Variants in SHANK2 observed in about 807,000 individuals in gnomAD.
SHANK2 encodes the protein SH3 and multiple ankyrin repeat domains protein 2.
In SHANK2, 43 loss-of-function variants were observed where a neutral mutation model predicts 133.7. That is an observed-to-expected ratio of 0.32 (90% CI 0.25 to 0.41). The LOEUF (loss-of-function observed/expected upper bound fraction) is 0.41. Among genes scored for constraint, SHANK2 ranks in the 10% least tolerant of loss-of-function variants. The pLI is 1.00. For synonymous variants in SHANK2, 1,017 were observed against 952.8 expected (o/e 1.07, Z -1.24); for missense variants, 1,994 against 2,235.8 (o/e 0.89, Z 2.18).
At chr11:71,085,578 TATA>T (rs1298587370) in intron 8 of SHANK2, among the ~76,000 whole-genome samples, 2 of 45,976 alleles carry the variant, frequency 4.4e-5, no homozygotes, top group African/African-American at 1.6e-4. Flanking sequence ...ATATATATTA[TATA>T]ATATATTATA....
chr11:70,525,070 G>A (rs1383086940), intron 17 of SHANK2, among the ~76,000 whole-genome samples: 1 of 152,254 alleles, frequency 6.6e-6, no homozygotes, highest in Non-Finnish European at 1.5e-5. Context: ...AGGCCTTGCT[G>A]CCAATCGGCT....
intron 9 of SHANK2, among the ~76,000 whole-genome samples, chr11:71,070,729 G>T (rs950577841): frequency 6.6e-6 from 1 of 152,270 alleles, no homozygotes; most frequent in Non-Finnish European, 1.5e-5. Flanking sequence ...CTTACATACT[G>T]TCTATGGCTG....
intron 2 of SHANK2, among the ~76,000 whole-genome samples, chr11:71,165,855 A>G (rs1465467504): frequency 6.6e-6 from 1 of 152,128 alleles, no homozygotes; most frequent in African/African-American, 2.4e-5. Context: ...CTCACAGTCC[A>G]GCCCCACCAA....
intron 15 of SHANK2, among the ~76,000 whole-genome samples, chr11:70,671,369 G>C (rs532975549): frequency 1.3e-5 from 2 of 152,150 alleles, no homozygotes. Context: ...CACGCCCCTG[G>C]CCAAGTTCCT....
intron 10 of SHANK2, among the ~76,000 whole-genome samples, chr11:70,911,525 T>TA (rs1168245156): frequency 5.3e-5 from 8 of 152,184 alleles, no homozygotes; most frequent in Non-Finnish European, 1.0e-4. Flanking sequence ...TAGGTGGTTT[T>TA]AAACTTTATT....
At position 70,471,051 on chromosome 11, in the gene SHANK2, T is replaced by C. The variant is rs1555148373; in HGVS notation, c.*1818A>G. The C allele has an allele frequency of 1.1e-5, 4 of 375,134 alleles. No individual in the cohort carries two copies. The highest frequency in any genetic ancestry group is 1.4e-5 in the Non-Finnish European group (3 of 212,348). 23.2% of individuals were successfully genotyped at this position (375,134 alleles called of 1,614,324 possible). ...TTTTATAATTATTCCACAGAAATAG[T>C]ATTATTAAATCACAAAAGTTTTTTT... On this transcript the variant is annotated 3_prime_UTR_variant, in exon 26 of 26. Transcript: ENST00000601538. The surrounding 1 kb of genome is among the most constrained non-coding windows in gnomAD (Gnocchi z 4.1).
At chr11:70,775,371 G>A (rs782040715) in intron 14 of SHANK2, among the ~76,000 whole-genome samples, 18 of 152,098 alleles carry the variant, frequency 1.2e-4, no homozygotes, top group African/African-American at 4.1e-4. Context: ...CAGGAGAATC[G>A]CTTGAACCTG....
chr11:70,768,014 A>G (rs782527199), intron 14 of SHANK2, among the ~76,000 whole-genome samples: 9 of 151,756 alleles, frequency 5.9e-5, no homozygotes, highest in Non-Finnish European at 1.2e-4. Flanking sequence ...GGTGCTAGAA[A>G]CAACACCCAG....
chr11:71,241,389 G>A (rs1954889861), intron 1 of SHANK2, among the ~76,000 whole-genome samples: 2 of 152,226 alleles, frequency 1.3e-5, no homozygotes, highest in Admixed American at 6.5e-5. Flanking sequence ...GGAAGTGCCC[G>A]GAAGCCCCGC....
chr11:71,198,232 A>G (rs1170149442), intron 2 of SHANK2, among the ~76,000 whole-genome samples: 1 of 152,058 alleles, frequency 6.6e-6, no homozygotes, highest in Non-Finnish European at 1.5e-5. Flanking sequence ...TGCAGACATG[A>G]GCCACTGTAC....
At chr11:70,701,097 G>A (rs79464312) in intron 14 of SHANK2, among the ~76,000 whole-genome samples, 2 of 152,230 alleles carry the variant, frequency 1.3e-5, no homozygotes, top group Admixed American at 1.3e-4. Flanking sequence ...GCAGGATCCT[G>A]GCTGAAATCG....
intron 14 of SHANK2, among the ~76,000 whole-genome samples, chr11:70,701,521 C>T (rs1395921406): frequency 2.0e-5 from 3 of 152,128 alleles, no homozygotes; most frequent in African/African-American, 7.2e-5. Flanking sequence ...ATGCCTCAGC[C>T]TCCCGAGTAG....
intron 11 of SHANK2, among the ~76,000 whole-genome samples, chr11:70,853,007 C>G (rs933240404): frequency 6.6e-6 from 1 of 151,754 alleles, no homozygotes; most frequent in African/African-American, 2.4e-5. Flanking sequence ...TTCTGCAGAG[C>G]CCCACAACCC....
At chr11:70,817,159 T>C (rs1948416579) in intron 12 of SHANK2, among the ~76,000 whole-genome samples, 1 of 152,182 alleles carries the variant, frequency 6.6e-6, no homozygotes. Flanking sequence ...CAACTCTCCA[T>C]CCCACCTGGT....
intron 14 of SHANK2, among the ~76,000 whole-genome samples, chr11:70,762,412 G>T (rs1482548357): frequency 6.6e-6 from 1 of 152,166 alleles, no homozygotes; most frequent in East Asian, 1.9e-4. Flanking sequence ...GAAATGAGAA[G>T]GAATGTCAGT....
intron 3 of SHANK2, among the ~76,000 whole-genome samples, chr11:71,129,081 C>T (rs1952244520): frequency 6.6e-6 from 1 of 152,224 alleles, no homozygotes. Flanking sequence ...CTGTGCCCGG[C>T]CATTTCTGTC....
chr11:70,774,710 C>CA, intron 14 of SHANK2, among the ~76,000 whole-genome samples: 2 of 152,008 alleles, frequency 1.3e-5, no homozygotes, highest in East Asian at 3.9e-4. Flanking sequence ...CGTGAATATG[C>CA]AAAAAGCCAC....
Position 70,473,316 on chromosome 11 carries a change from G to A in SHANK2, c.5103C>T (p.Thr1701=), listed in dbSNP as rs143996491. 4 of 1,613,832 alleles carry A rather than the reference G, an allele frequency of 2.5e-6. No homozygotes were observed. The African/African-American group carries it at 4.0e-5, about 16-fold the overall frequency. The change falls in exon 26 of 26, where the codon ACC becomes ACT. Residue 1701 remains threonine, a synonymous_variant. Coordinates refer to ENST00000601538, the MANE Select transcript of SHANK2 (RefSeq NM_012309.5). The surrounding 1 kb of genome is among the most constrained non-coding windows in gnomAD (Gnocchi z 5.9). The stretch of plus-strand genomic sequence containing the variant: ...GGCTTGGGGCACGTCTTGTTCCTGA[G>A]GTCCTGCTTTCATAGTCGGGGGGCC... ...QSRPPDYESR[T]SGTRRAPSPV...
intron 17 of SHANK2, among the ~76,000 whole-genome samples, chr11:70,529,200 C>T (rs2059437334): frequency 6.6e-6 from 1 of 152,214 alleles, no homozygotes; most frequent in African/African-American, 2.4e-5. Context: ...GCTAGGAAAC[C>T]ATCATGGCAC....
Sources: gnomAD v4.1 joint callset for allele counts (sites outside exome capture counted in the v4.1 genomes callset) on GRCh38, gnomAD v4.1.1 for gene constraint, Gnocchi (gnomAD v3.1) non-coding constraint, MANE v1.5 for transcripts, NCBI Gene and HGNC (gene_info 2026-07-23, HGNC 2026-07-21) for gene names.